The following ERBB3 variants were observed in gnomAD, a reference collection of about 807,000 sequenced individuals.
ERBB3 encodes erb-b2 receptor tyrosine kinase 3, also known as receptor tyrosine-protein kinase erbB-3.
A neutral mutation model predicts 156.7 loss-of-function variants in ERBB3; 96 were observed. The ratio of observed to expected loss-of-function variants is 0.61; its 90% confidence interval spans 0.52 to 0.73. The LOEUF is 0.73. ERBB3 is among the 30% of genes least tolerant of loss of function. The probability of loss-of-function intolerance (pLI) is 0.00; values close to 1 mark genes in which losing one functional copy is unlikely to be tolerated. For missense variants in ERBB3, 1,406 were observed against 1,709.4 expected (o/e 0.82, Z 3.13); for synonymous variants, 567 against 632.0 (o/e 0.90, Z 1.54).
At position 56,101,094 on chromosome 12, in the gene ERBB3, C is replaced by T. The variant is rs1313765181; in HGVS notation, c.3235C>T (p.Pro1079Ser). ...SAVSGSSERCPRPVSLHPMPR... is the reference protein window; with the variant it reads ...SAVSGSSERCSRPVSLHPMPR... ...AGTTTCTGGGAGCAGTGAACGGTGC[C>T]CCCGTCCAGTCTCTCTACACCCAAT... Residue 1079 changes from proline (P) to serine (S), a missense_variant, in exon 27 of 28, where the codon CCC (proline) becomes TCC (serine). Transcript: ENST00000267101. 1 of 1,614,022 alleles carries T rather than the reference C, an allele frequency of 6.2e-7. No homozygotes were observed. The highest frequency in any genetic ancestry group is 8.5e-7 in the Non-Finnish European group (1 of 1,179,984).
chr12:56,095,394 G>A (rs1868857893), intron 16 of ERBB3, 84 bp downstream of exon 16: 1 of 1,195,118 alleles, frequency 8.4e-7, no homozygotes, highest in East Asian at 2.3e-5. Context: ...GAGGGAGGCT[G>A]TCTTCATTCT....
Position 56,093,018 on chromosome 12 carries a change from A to G in ERBB3, c.1216A>G (p.Met406Val), listed in dbSNP as rs765810588. ...GAACATCCAGTCCTGGCCGCCCCAC[A>G]TGCACAACTTCAGTGTTTTTTCCAA... is the stretch of plus-strand genomic sequence containing the variant. ...YLNIQSWPPH[M>V]HNFSVFSNLT... is the part of the protein sequence containing the mutation. Residue 406 changes from methionine (M) to valine (V), a missense_variant, in exon 11 of 28, where the codon ATG becomes GTG. Coordinates refer to ENST00000267101, the MANE Select transcript of ERBB3 (RefSeq NM_001982.4). The G allele has an allele frequency of 1.9e-6, 3 of 1,614,206 alleles. No individual in the cohort carries two copies. Among genetic ancestry groups the G allele is most frequent in the Admixed American group, 1.7e-5 (1 of 60,016 alleles).
intron 3 of ERBB3, among the ~76,000 whole-genome samples, chr12:56,086,063 C>CAA (rs56926853): frequency 2.8e-4 from 25 of 89,344 alleles, no homozygotes; most frequent in East Asian, 1.9e-3. Context: ...AGCGAGACTC[C>CAA]AAAAAAAAAA....
Position 56,093,056 on chromosome 12 carries a change from T to C in ERBB3, c.1254T>C (p.Ile418=). ...NFSVFSNLTT[I]GGRSLYNRGF... ...GTGTTTTTTCCAATTTGACAACCAT[T>C]GGAGGCAGAAGCCTCTACAAGTGAG... Residue 418 remains isoleucine, a synonymous_variant, in exon 11 of 28, where the codon ATT becomes ATC. Coordinates refer to ENST00000267101, the MANE Select transcript of ERBB3 (RefSeq NM_001982.4). The C allele has an allele frequency of 2.5e-6, 4 of 1,613,836 alleles. No homozygotes were observed. Among genetic ancestry groups the C allele is most frequent in the Non-Finnish European group, 3.4e-6 (4 of 1,179,740 alleles).
chr12:56,080,779 C>T (rs774343000), intron 1 of ERBB3, among the ~76,000 whole-genome samples: 1 of 152,200 alleles, frequency 6.6e-6, no homozygotes, highest in Non-Finnish European at 1.5e-5. Flanking sequence ...CCCTGCCCCC[C>T]ACCCGCGCCG....
At chr12:56,096,190 G>C (rs1452341323) in intron 17 of ERBB3, 1 of 519,866 alleles carries the variant, frequency 1.9e-6, no homozygotes, top group South Asian at 2.1e-5. Flanking sequence ...GGAAAGCACA[G>C]AGCACTGTAT....
chr12:56,099,478 T>C (rs761550704), intron 23 of ERBB3, among the ~76,000 whole-genome samples, 170 bp from the exon 24 acceptor site: 3 of 151,092 alleles, frequency 2.0e-5, no homozygotes, highest in Admixed American at 6.6e-5. Context: ...TTTGTCTTTT[T>C]AGTAGAGATG....
rs972588779 is a variant in ERBB3, at chr12:56,101,954, C to CTAA, written c.3929_3931dup (p.Leu1310_Lys1311insIle). The CTAA allele has an allele frequency of 1.2e-6, 2 of 1,613,594 alleles. No individual in the cohort carries two copies. Among genetic ancestry groups the CTAA allele is most frequent in the African/African-American group, 2.7e-5 (2 of 74,806 alleles). On this transcript the variant is annotated inframe_insertion, in exon 28 of 28. Transcript: ENST00000267101. ...GGCCCCCCATGTCCATTATGCCCGC[C>CTAA]TAAAAACTCTACGTAGCTTAGAGGC...
chr12:56,099,935 A>G lies in ERBB3; in HGVS notation c.3035A>G (p.Asp1012Gly), dbSNP rs1869032382. 6.2e-7 allele frequency: 1 copy of G among 1,614,110 alleles called. No individual in the cohort carries two copies. The highest frequency in any genetic ancestry group is 8.5e-7 in the Non-Finnish European group (1 of 1,180,040). Residue 1012 changes from aspartate (D) to glycine (G), a missense_variant, in exon 25 of 28, where the codon GAC becomes GGC. Physicochemically the swap from Asp to Gly is moderately conservative, Grantham distance 94 (BLOSUM62 -1). This residue lies in a region of ERBB3 where 415 missense variants were observed against 454.1 expected (regional missense o/e 0.91). Transcript: ENST00000267101. ...EVELEPELDL[D>G]LDLEAEEDNL... Reference sequence around the variant, plus strand: ...GAGCTGGAGCCAGAACTAGACCTAGACCTAGACTTGGAAGCAGAGGAGGAC... The same window carrying G: ...GAGCTGGAGCCAGAACTAGACCTAGGCCTAGACTTGGAAGCAGAGGAGGAC...
Position 56,102,824 on chromosome 12 carries a change from A to AAAC in ERBB3, c.*771_*772insCAA, listed in dbSNP as rs1555212764. On this transcript the variant is annotated 3_prime_UTR_variant, in exon 28 of 28. Coordinates refer to ENST00000267101, the MANE Select transcript of ERBB3 (RefSeq NM_001982.4). ...ATCTCTTTAAAAAAAAAAAAAAAAAAAAAAAAAAAACTTTAGAACTGGGTG... is the reference window on the plus strand; with the variant it reads ...ATCTCTTTAAAAAAAAAAAAAAAAAAAACAAAAAAAAAACTTTAGAACTGGGTG... The AAAC allele has an allele frequency of 1.9e-5, 4 of 215,484 alleles. No individual in the cohort carries two copies. Among genetic ancestry groups the AAAC allele is most frequent in the South Asian group, 1.9e-4 (1 of 5,330 alleles). 13.3% of individuals were successfully genotyped at this position (215,484 alleles called of 1,614,324 possible). A position where few individuals can be genotyped will look rare whatever the true frequency, so the allele number is the denominator to read the frequency against.
At chr12:56,092,213 C>T (rs148602695) in intron 9 of ERBB3, among the ~76,000 whole-genome samples, 3,289 of 151,060 alleles carry the variant, frequency 0.022, 124 homozygotes, top group African/African-American at 0.075. Flanking sequence ...CATGGTGAAA[C>T]CCTGTCTCTA....
chr12:56,089,354 C>T (rs1266139834), intron 9 of ERBB3, among the ~76,000 whole-genome samples: 1 of 152,070 alleles, frequency 6.6e-6, no homozygotes, highest in African/African-American at 2.4e-5. Flanking sequence ...CTCCTGTGCT[C>T]AAGCAATCCT....
rs528498655 is a variant in ERBB3 at position 56,094,070 on chromosome 12, C to T, written c.1614-29C>T. The T allele has an allele frequency of 3.2e-6, 5 of 1,550,580 alleles. No homozygotes were observed. In the Admixed American group the frequency reaches 6.7e-5, roughly 21 times the overall value. On this transcript the variant is annotated intron_variant, in intron 13 of 27. Transcript: ENST00000267101. Reference sequence around the variant, plus strand: ...CATGAAGGTCAGGACTTGGAAGTGACCCCCCCCTCCCTTTATTCCCCACTA... The same window carrying T: ...CATGAAGGTCAGGACTTGGAAGTGATCCCCCCCTCCCTTTATTCCCCACTA...
intron 7 of ERBB3, 102 bp from the exon 8 acceptor site, chr12:56,088,441 C>A: frequency 1.0e-6 from 1 of 972,948 alleles, no homozygotes; most frequent in Non-Finnish European, 1.7e-6. Flanking sequence ...GGGACAAATC[C>A]AGTGCAGAGC....
intron 15 of ERBB3, 93 bp from the exon 16 acceptor site, chr12:56,095,164 G>C: frequency 1.0e-6 from 1 of 997,020 alleles, no homozygotes; most frequent in South Asian, 1.3e-5. Context: ...GGATGCCACG[G>C]TAAGTTCTGA....
At position 56,095,352 on chromosome 12, in the gene ERBB3, G is replaced by A. The variant is rs1318109693; in HGVS notation, c.1913+42G>A. On this transcript the variant is annotated intron_variant, in intron 16 of 27. Transcript: ENST00000267101. ...GATTCTGGAAACTGGGGATATTTGGGAGTTGGGAGAGAGGTGGTTACCTGG... is the reference window on the plus strand; with the variant it reads ...GATTCTGGAAACTGGGGATATTTGGAAGTTGGGAGAGAGGTGGTTACCTGG... 2.6e-6 allele frequency: 4 copies of A among 1,538,070 alleles called. No individual in the cohort carries two copies. The South Asian group carries it at 4.5e-5, about 17-fold the overall frequency.
In ERBB3 at chr12:56,098,808, G is replaced by A. The variant is rs199524175; in HGVS notation, c.2742G>A (p.Gly914=). Residue 914 remains glycine, a synonymous_variant, in exon 23 of 28, where the codon GGG becomes GGA. Coordinates refer to ENST00000267101, the MANE Select transcript of ERBB3 (RefSeq NM_001982.4). The part of the protein sequence containing the change: ...LMTFGAEPYA[G]LRLAEVPDLL... ...CCTTCGGGGCAGAGCCCTATGCAGGGCTACGATTGGCTGAAGTACCAGACC... is the reference window on the plus strand; with the variant it reads ...CCTTCGGGGCAGAGCCCTATGCAGGACTACGATTGGCTGAAGTACCAGACC... 62 of 1,614,100 alleles carry A rather than the reference G, an allele frequency of 3.8e-5. No individual in the cohort carries two copies. In the Admixed American group the frequency reaches 9.8e-4, roughly 26 times the overall value.
rs115053296 is a variant in ERBB3, at chr12:56,097,406, C to T, written c.2460+176C>T. On this transcript the variant is annotated intron_variant, in intron 20 of 27. Transcript: ENST00000267101. ...ACAGAGCATGTGAGCGGCAGGCAAG[C>T]GAGTGAAGCTTCATCTGTATTTACA... Among the ~76,000 whole-genome samples the T allele has an allele frequency of 4.0e-3, 612 of 152,248 alleles. 5 individuals carry two copies. Among genetic ancestry groups the T allele is most frequent in the African/African-American group, 0.014 (588 of 41,542 alleles).
rs1869104872 is a variant in ERBB3, at chr12:56,101,541, C to T, written c.3515C>T (p.Ser1172Phe). ...PDTHLKGTPS[S>F]REGTLSSVGL... ...TCTCAACCCCCAGGTACTCCCTCCT[C>T]CCGGGAAGGCACCCTTTCTTCAGTG... Residue 1172 changes from serine to phenylalanine, a missense_variant, in exon 28 of 28, where the codon TCC (serine) becomes TTC (phenylalanine). By Grantham distance (155) the Ser-to-Phe change is radical. Transcript: ENST00000267101. 1 of 1,614,040 alleles carries T rather than the reference C, an allele frequency of 6.2e-7. No individual in the cohort carries two copies. The highest frequency in any genetic ancestry group is 8.5e-7 in the Non-Finnish European group (1 of 1,179,996).
Sources: allele counts gnomAD v4.1 joint callset (sites outside exome capture counted in the v4.1 genomes callset), GRCh38; gene constraint gnomAD v4.1.1; regional missense constraint gnomAD v4.1.1; transcripts MANE v1.5; gene names NCBI Gene and HGNC (gene_info 2026-07-23, HGNC 2026-07-21).